The following CNTRL variants were observed in gnomAD, a reference collection of about 807,000 sequenced individuals.
CNTRL encodes the protein centriolin, also known as 110 kDa centrosomal protein.
A neutral mutation model predicts 303.7 loss-of-function variants in CNTRL; 233 were observed. The ratio of observed to expected loss-of-function variants is 0.77; its 90% CI spans 0.69 to 0.86. The LOEUF is 0.86. Among genes scored for constraint, CNTRL ranks in the 40% least tolerant of loss-of-function variants. The probability of loss-of-function intolerance (pLI) is 0.00; values close to 1 mark genes in which losing one functional copy is unlikely to be tolerated. For synonymous variants in CNTRL, 900 were observed against 922.2 expected, an observed-to-expected ratio of 0.98 and a Z score of 0.44; for missense variants, 2,524 against 2,650.6, an observed-to-expected ratio of 0.95 and a Z score of 1.05.
In CNTRL at chr9:121,125,720, G is replaced by C. The variant is rs2050482055; in HGVS notation, c.1809G>C (p.Gln603His). ...KDLEEQLTEG[Q>H]IAANEALKKD... ...CCCTTTTTGCATCTTGCTTAGGCCA[G>C]ATAGCAGCAAATGAAGCCCTGAAGA... The change falls in exon 14 of 44, where the codon CAG becomes CAC. Residue 603 changes from glutamine (Q) to histidine (H), a missense_variant. By Grantham distance (24) the Gln-to-His change is conservative. Coordinates refer to ENST00000373855, the MANE Select transcript of CNTRL (RefSeq NM_007018.6). 5.0e-6 allele frequency: 8 copies of C among 1,613,992 alleles called. No individual in the cohort carries two copies. The highest frequency in any genetic ancestry group is 6.8e-6 in the Non-Finnish European group (8 of 1,179,934).
intron 7 of CNTRL, among the ~76,000 whole-genome samples, chr9:121,103,854 A>G (rs1426191968): frequency 2.0e-5 from 3 of 152,362 alleles, no homozygotes; most frequent in Middle Eastern, 3.4e-3. Context: ...TAGAATGGCA[A>G]TCATTAAAAA....
chr9:121,086,553 T>C (rs2048348428), intron 2 of CNTRL, among the ~76,000 whole-genome samples: 1 of 151,554 alleles, frequency 6.6e-6, no homozygotes, highest in South Asian at 2.1e-4. Context: ...GAGGTGAATC[T>C]AGAGCAATAG....
At chr9:121,103,733 G>C (rs1052416807) in intron 7 of CNTRL, among the ~76,000 whole-genome samples, 1 of 152,174 alleles carries the variant, frequency 6.6e-6, no homozygotes, top group Non-Finnish European at 1.5e-5. Flanking sequence ...GTGGGCGAAG[G>C]ATATGAACAG....
chr9:121,082,584 G>T (rs140784356), intron 2 of CNTRL, among the ~76,000 whole-genome samples: 7 of 152,334 alleles, frequency 4.6e-5, no homozygotes, highest in Non-Finnish European at 7.4e-5. Flanking sequence ...GTATAGGATA[G>T]CCTGTTGCTC....
chr9:121,110,722 A>G (rs2049709769), intron 8 of CNTRL, among the ~76,000 whole-genome samples: 1 of 151,978 alleles, frequency 6.6e-6, no homozygotes, highest in Non-Finnish European at 1.5e-5. Flanking sequence ...ATGGATGTTT[A>G]TATAGGAGAG....
chr9:121,166,953 G>A (rs1039243644), intron 36 of CNTRL, among the ~76,000 whole-genome samples: 12 of 151,234 alleles, frequency 7.9e-5, no homozygotes, highest in African/African-American at 2.2e-4. Context: ...CCCGAGAGGC[G>A]GAGGTTGCCG....
rs1315511321 is a variant in CNTRL, at chr9:121,098,465, C to T, written c.701C>T (p.Pro234Leu). 6.2e-7 allele frequency: 1 copy of T among 1,613,762 alleles called. No homozygotes were observed. The highest frequency in any genetic ancestry group is 1.1e-5 in the South Asian group (1 of 91,078). ...GTTGAAAATCCAGTTGTGACCCTTC[C>T]TCATTACCTCCAGTTTACCATTTTC... ...ILVENPVVTLPHYLQFTIFHL... is the reference protein window; with the variant it reads ...ILVENPVVTLLHYLQFTIFHL... Residue 234 changes from proline to leucine, a missense_variant, in exon 7 of 44, where the codon CCT becomes CTT. Pro to Leu is a moderately conservative substitution (Grantham distance 98). Transcript: ENST00000373855.
At chr9:121,095,173 T>C (rs112787041) in intron 5 of CNTRL, among the ~76,000 whole-genome samples, 155 bp downstream of exon 5, 2 of 152,194 alleles carry the variant, frequency 1.3e-5, no homozygotes, top group Non-Finnish European at 2.9e-5. Context: ...TCTCTTCACA[T>C]ATGGTAGGTA....
At chr9:121,156,382 T>G (rs1003914655) in intron 27 of CNTRL, among the ~76,000 whole-genome samples, 2 of 152,112 alleles carry the variant, frequency 1.3e-5, no homozygotes, top group African/African-American at 4.8e-5. Flanking sequence ...GGAAGGAGTG[T>G]GCCAGACATG....
chr9:121,126,173 C>T (rs2050511314), intron 14 of CNTRL, among the ~76,000 whole-genome samples: 1 of 151,876 alleles, frequency 6.6e-6, no homozygotes, highest in Admixed American at 6.6e-5. Flanking sequence ...ATTTCTATCC[C>T]TGAAAGGTAT....
intron 36 of CNTRL, 142 bp downstream of exon 36, chr9:121,166,322 T>C (rs1381163578): frequency 1.7e-6 from 1 of 581,404 alleles, no homozygotes. Context: ...AACCATCACA[T>C]AAATAAAAGT....
At chr9:121,171,619 GT>G (rs1564306976) in intron 40 of CNTRL, 71 bp downstream of exon 40, 6 of 1,478,516 alleles carry the variant, frequency 4.1e-6, no homozygotes, top group Non-Finnish European at 5.5e-6. Flanking sequence ...AGATTGTATT[GT>G]TTTTAATATC....
At chr9:121,090,833 A>T (rs761357961) in intron 4 of CNTRL, among the ~76,000 whole-genome samples, 13 of 152,330 alleles carry the variant, frequency 8.5e-5, no homozygotes, top group Non-Finnish European at 1.8e-4. Context: ...CATGCTGCTG[A>T]TAAAGACATA....
At position 121,148,826 on chromosome 9, in the gene CNTRL, T is replaced by C. The variant is rs2052032541; in HGVS notation, c.3614T>C (p.Ile1205Thr). The C allele has an allele frequency of 6.2e-7, 1 of 1,613,638 alleles. No individual in the cohort carries two copies. The highest frequency in any genetic ancestry group is 8.5e-7 in the Non-Finnish European group (1 of 1,179,990). The change falls in exon 24 of 44, where the codon ATC becomes ACC. Residue 1205 changes from isoleucine to threonine, a missense_variant. Transcript: ENST00000373855. Reference protein sequence around the residue: ...PASGYWVYSPIRSGLHKLFPS... With the variant: ...PASGYWVYSPTRSGLHKLFPS... The stretch of plus-strand genomic sequence containing the variant: ...TCAGGATACTGGGTTTATTCTCCCA[T>C]CAGGAGTGGGTTACATAAACTGTTT...
At chr9:121,079,426 G>A (rs1197870239) in intron 1 of CNTRL, among the ~76,000 whole-genome samples, 1 of 152,142 alleles carries the variant, frequency 6.6e-6, no homozygotes, top group Non-Finnish European at 1.5e-5. Flanking sequence ...CTAACACTTT[G>A]GGAGGTAGAG....
At chr9:121,144,510 A>T (rs574237093) in intron 20 of CNTRL, among the ~76,000 whole-genome samples, 1 of 152,342 alleles carries the variant, frequency 6.6e-6, no homozygotes, top group South Asian at 2.1e-4. Context: ...GCTTTATAGG[A>T]TGCAAATGCT....
chr9:121,125,893 A>G lies in CNTRL; in HGVS notation c.1982A>G (p.Asp661Gly). 6.2e-7 allele frequency: 1 copy of G among 1,614,188 alleles called. No individual in the cohort carries two copies. Among genetic ancestry groups the G allele is most frequent in the South Asian group, 1.1e-5 (1 of 91,084 alleles). The change falls in exon 14 of 44, where the codon GAC (aspartate) becomes GGC (glycine). Residue 661 changes from aspartate (D) to glycine (G), a missense_variant. Physicochemically the swap from Asp to Gly is moderately conservative, Grantham distance 94. Coordinates refer to ENST00000373855, the MANE Select transcript of CNTRL (RefSeq NM_007018.6). Reference protein sequence around the residue: ...QRLTEVEQERDQLEIVAMDAE... With the variant: ...QRLTEVEQERGQLEIVAMDAE... ...TTGACAGAAGTCGAGCAGGAGAGAG[A>G]CCAGCTGGAAATAGTTGCCATGGAT...
At chr9:121,157,916 T>A in intron 29 of CNTRL, 36 bp downstream of exon 29, 1 of 1,613,758 alleles carries the variant, frequency 6.2e-7, no homozygotes, top group Non-Finnish European at 8.5e-7. Context: ...AAGGGGTTTG[T>A]GCTGGAAGAC....
chr9:121,105,101 G>C (rs574993553), intron 7 of CNTRL, among the ~76,000 whole-genome samples: 1 of 152,330 alleles, frequency 6.6e-6, no homozygotes, highest in African/African-American at 2.4e-5. Flanking sequence ...GAAGGGACCT[G>C]TTAGGAGGCT....
Sources: gnomAD v4.1 joint callset for allele counts (sites outside exome capture counted in the v4.1 genomes callset) on GRCh38, gnomAD v4.1.1 for gene constraint, MANE v1.5 for transcripts, NCBI Gene and HGNC (gene_info 2026-07-23, HGNC 2026-07-21) for gene names.